The following CCSER1 variants were observed in gnomAD, a reference collection of about 807,000 sequenced individuals.
The protein encoded by CCSER1 is coiled-coil serine rich protein 1.
A neutral mutation model predicts 82.0 loss-of-function variants in CCSER1; 41 were observed. That is an observed-to-expected ratio of 0.50 (90% CI 0.39 to 0.65). The LOEUF (loss-of-function observed/expected upper bound fraction) is 0.65, where lower values mean the gene tolerates loss of function less well. Ranked by LOEUF, CCSER1 falls within the 30% of genes least tolerant of loss-of-function variation. The pLI is 0.00. For synonymous variants in CCSER1, 414 were observed against 383.9 expected (o/e 1.08, Z -0.92); for missense variants, 1,119 against 1,064.2 (o/e 1.05, Z -0.72).
intron 7 of CCSER1, among the ~76,000 whole-genome samples, chr4:90,759,805 T>TA (rs1201182093): frequency 6.6e-6 from 1 of 152,160 alleles, no homozygotes; most frequent in East Asian, 1.9e-4. Context: ...CTTCACCACA[T>TA]ATATACCACA....
intron 7 of CCSER1, among the ~76,000 whole-genome samples, chr4:90,750,087 C>G (rs1376262988): frequency 6.6e-6 from 1 of 151,908 alleles, no homozygotes; most frequent in Non-Finnish European, 1.5e-5. Context: ...GCATAAATGT[C>G]TTCTTTTGAG....
At chr4:90,400,211 GCTGCCTT>G in intron 4 of CCSER1, 82 bp downstream of exon 4, 4 of 622,102 alleles carry the variant, frequency 6.4e-6, no homozygotes, top group South Asian at 3.4e-5. Flanking sequence ...CACTGTTAAG[GCTGCCTT>G]CTATCTTTTC....
intron 5 of CCSER1, among the ~76,000 whole-genome samples, chr4:90,576,852 G>A (rs1398390052): frequency 6.6e-6 from 1 of 152,108 alleles, no homozygotes; most frequent in Non-Finnish European, 1.5e-5. Context: ...GTTTTTGCAT[G>A]AACCTAGGTT....
Position 90,470,777 on chromosome 4 carries a change from A to C in CCSER1, c.1724+2423A>C, listed in dbSNP as rs144804919. 3.8e-4 allele frequency among the ~76,000 whole-genome samples: 57 copies of C among 150,884 alleles called. 1 individual carries two copies. The highest frequency in any genetic ancestry group is 7.8e-4 in the East Asian group (4 of 5,102). On this transcript the variant is annotated intron_variant, in intron 5 of 10. Coordinates refer to ENST00000509176, the MANE Select transcript of CCSER1 (RefSeq NM_001145065.2). ...TTAATCAAAGCAAAAAAAAAAAAAA[A>C]AAAACAAAACACCCAGATTTGAGTG...
chr4:90,485,054 C>G (rs1287760702), intron 5 of CCSER1, among the ~76,000 whole-genome samples: 4 of 152,236 alleles, frequency 2.6e-5, no homozygotes, highest in Admixed American at 1.3e-4. Flanking sequence ...CTTTGTTTAC[C>G]TGCTCTAGCC....
intron 10 of CCSER1, among the ~76,000 whole-genome samples, chr4:91,097,038 C>T (rs566918091): frequency 5.3e-5 from 8 of 152,244 alleles, no homozygotes; most frequent in East Asian, 1.9e-4. Flanking sequence ...TTCAGATGTC[C>T]GGACTCCAAG....
At chr4:91,314,457 A>C (rs1303017138) in intron 10 of CCSER1, among the ~76,000 whole-genome samples, 1 of 151,984 alleles carries the variant, frequency 6.6e-6, no homozygotes, top group Non-Finnish European at 1.5e-5. Context: ...TACTCAGTTG[A>C]TTAGAAAACC....
chr4:91,536,930 T>C (rs1761327688), intron 10 of CCSER1, among the ~76,000 whole-genome samples: 1 of 152,060 alleles, frequency 6.6e-6, no homozygotes, highest in Non-Finnish European at 1.5e-5. Context: ...GTACAGTAGA[T>C]GGAGAGACAG....
intron 10 of CCSER1, among the ~76,000 whole-genome samples, chr4:91,266,562 T>C (rs892467990): frequency 1.3e-5 from 2 of 151,974 alleles, no homozygotes; most frequent in African/African-American, 4.8e-5. Context: ...TAAGCTGGAA[T>C]TTGAGGAAGA....
At chr4:90,594,593 A>G (rs1783089994) in intron 5 of CCSER1, among the ~76,000 whole-genome samples, 1 of 152,132 alleles carries the variant, frequency 6.6e-6, no homozygotes, top group Non-Finnish European at 1.5e-5. Context: ...ACAGGTAAAA[A>G]GCATTTCTTC....
intron 6 of CCSER1, among the ~76,000 whole-genome samples, chr4:90,697,926 G>A (rs1282905116): frequency 2.0e-5 from 3 of 152,138 alleles, no homozygotes; most frequent in African/African-American, 7.2e-5. Context: ...GAGCTTCAAA[G>A]AGGTGCAGAT....
chr4:90,553,649 T>C (rs1357430494), intron 5 of CCSER1, among the ~76,000 whole-genome samples: 2 of 152,334 alleles, frequency 1.3e-5, no homozygotes, highest in East Asian at 3.9e-4. Flanking sequence ...AATAGTTAAC[T>C]CATTCATTTT....
At chr4:90,653,703 G>A (rs960520811) in intron 6 of CCSER1, among the ~76,000 whole-genome samples, 13 of 151,890 alleles carry the variant, frequency 8.6e-5, no homozygotes, top group Non-Finnish European at 1.5e-5. Flanking sequence ...TTCACAAATT[G>A]TTTCCTTATT....
chr4:90,780,495 G>C (rs748673396), intron 7 of CCSER1: 15 of 1,611,672 alleles, frequency 9.3e-6, no homozygotes, highest in Non-Finnish European at 8.5e-7. Context: ...TGAAGATTGG[G>C]GTTCAGGAGG....
rs1740034738 is a variant in CCSER1, at chr4:91,248,886, A to T, written c.2217+162892A>T. Among the ~76,000 whole-genome samples the T allele has an allele frequency of 2.0e-5, 3 of 152,276 alleles. No individual in the cohort carries two copies. The South Asian group carries it at 6.2e-4, about 32-fold the overall frequency. ...TATACTACCTTTACAATTTTTTGGTAACTCTATTCTAAAATAAAAATTATT... is the reference window on the plus strand; with the variant it reads ...TATACTACCTTTACAATTTTTTGGTTACTCTATTCTAAAATAAAAATTATT... On this transcript the variant is annotated intron_variant, in intron 10 of 10. Transcript: ENST00000509176.
At chr4:90,370,897 A>G (rs750314656) in intron 3 of CCSER1, among the ~76,000 whole-genome samples, 1 of 151,996 alleles carries the variant, frequency 6.6e-6, no homozygotes, top group Non-Finnish European at 1.5e-5. Context: ...AACTTTGGCC[A>G]TGAATTATTC....
intron 10 of CCSER1, among the ~76,000 whole-genome samples, chr4:91,540,539 G>T (rs1035535255): frequency 4.6e-5 from 7 of 152,020 alleles, no homozygotes; most frequent in African/African-American, 1.7e-4. Context: ...CTTTTGCAAA[G>T]CAAAAGTTTT....
chr4:91,490,543 A>T (rs115409514), intron 10 of CCSER1, among the ~76,000 whole-genome samples: 6,870 of 152,022 alleles, frequency 0.045, 231 homozygotes, highest in Middle Eastern at 0.085. Context: ...TAAAAATTAA[A>T]ATAATTGAAC....
chr4:90,591,388 A>T (rs1174428787), intron 5 of CCSER1, among the ~76,000 whole-genome samples: 1 of 152,138 alleles, frequency 6.6e-6, no homozygotes, highest in Non-Finnish European at 1.5e-5. Flanking sequence ...ATGAACAGAC[A>T]CTTCTCAAAA....
Sources: allele counts gnomAD v4.1 joint callset (sites outside exome capture counted in the v4.1 genomes callset), GRCh38; gene constraint gnomAD v4.1.1; transcripts MANE v1.5; gene names NCBI Gene and HGNC (gene_info 2026-07-23, HGNC 2026-07-21).